The following RNF216 variants were observed in gnomAD, a reference collection of about 807,000 sequenced individuals.
RNF216 encodes the protein ring finger protein 216.
Under a neutral mutation model 110.8 loss-of-function variants are expected in RNF216, and 72 were observed. The observed-to-expected ratio is 0.65, with a 90% CI of 0.54 to 0.79. The LOEUF (loss-of-function observed/expected upper bound fraction) is 0.79, where lower values mean the gene tolerates loss of function less well. Among genes scored for constraint, RNF216 ranks in the 30% least tolerant of loss-of-function variants. The probability of loss-of-function intolerance (pLI) is 0.00; values close to 1 mark genes in which losing one functional copy is unlikely to be tolerated. For missense variants in RNF216, 1,342 were observed against 1,141.2 expected, an observed-to-expected ratio of 1.18 and a Z score of -2.54; for synonymous variants, 495 against 407.5, an observed-to-expected ratio of 1.21 and a Z score of -2.59.
In RNF216 at chr7:5,676,300, A is replaced by G. The variant is rs571228746; in HGVS notation, c.2062-23790T>C. Among the ~76,000 whole-genome samples, 191 of 152,270 alleles carry G rather than the reference A, an allele frequency of 1.3e-3. 1 individual carries two copies. The highest frequency in any genetic ancestry group is 4.4e-3 in the African/African-American group (184 of 41,560). On this transcript the variant is annotated intron_variant, in intron 13 of 16. Transcript: ENST00000389902. ...GTGGGAGGCATTGACCACCGCGGCCAGCCTCAAGTTCTTTCCATGCCAAAG... is the reference window on the plus strand; with the variant it reads ...GTGGGAGGCATTGACCACCGCGGCCGGCCTCAAGTTCTTTCCATGCCAAAG...
chr7:5,629,283 C>T (rs1257355462), intron 15 of RNF216, among the ~76,000 whole-genome samples: 1 of 150,662 alleles, frequency 6.6e-6, no homozygotes, highest in Non-Finnish European at 1.5e-5. Flanking sequence ...TTCAGACCAG[C>T]AAGGGCAACA....
intron 2 of RNF216, among the ~76,000 whole-genome samples, chr7:5,757,089 G>A (rs1398502557): frequency 1.3e-5 from 2 of 152,070 alleles, no homozygotes; most frequent in Non-Finnish European, 2.9e-5. Flanking sequence ...CTCACACTGG[G>A]TGCAGAATCC....
chr7:5,673,417 G>T (rs1790054556), intron 13 of RNF216, among the ~76,000 whole-genome samples: 5 of 152,198 alleles, frequency 3.3e-5, no homozygotes. Context: ...GACTGGCCTG[G>T]TTTGCGAGAA....
rs1584327265 is a variant in RNF216 at position 5,624,739 on chromosome 7, A to T, written c.2383-614T>A. 6.6e-6 allele frequency among the ~76,000 whole-genome samples: 1 copy of T among 152,138 alleles called. No individual in the cohort carries two copies. Among genetic ancestry groups the T allele is most frequent in the Admixed American group, 6.5e-5 (1 of 15,272 alleles). ...TGGTAGGCCTGAAATAACAAACACA[A>T]TTCACACTTGGGTTATCCAAGCCTC... is the stretch of plus-strand genomic sequence containing the variant. On this transcript the variant is annotated intron_variant, in intron 15 of 16. Transcript: ENST00000389902. The surrounding 1 kb of genome is among the most constrained non-coding windows in gnomAD (Gnocchi z 4.4).
At position 5,661,782 on chromosome 7, in the gene RNF216, G is replaced by A. The variant is rs925494575; in HGVS notation, c.2062-9272C>T. ...TGTGCCACTACACTCCAGCCTGGGC[G>A]AGACAATGAGACTCTGCTCAAACAA... On this transcript the variant is annotated intron_variant, in intron 13 of 16. Transcript: ENST00000389902. Among the ~76,000 whole-genome samples, 4 of 152,274 alleles carry A rather than the reference G, an allele frequency of 2.6e-5. No individual in the cohort carries two copies. In the East Asian group the frequency reaches 5.8e-4, roughly 22 times the overall value.
At chr7:5,711,915 C>T (rs751777063) in intron 12 of RNF216, 76 bp from the exon 13 acceptor site, 5 of 1,311,568 alleles carry the variant, frequency 3.8e-6, no homozygotes, top group Non-Finnish European at 5.4e-6. Context: ...TGTGGCTGTT[C>T]ATATGAAGAT....
intron 13 of RNF216, among the ~76,000 whole-genome samples, chr7:5,676,206 T>TGG (rs1277271247): frequency 6.6e-6 from 1 of 151,956 alleles, no homozygotes; most frequent in East Asian, 1.9e-4. Context: ...GAGATAGGGT[T>TGG]TTGCCATGTT....
At chr7:5,630,188 C>T (rs929949525) in intron 15 of RNF216, among the ~76,000 whole-genome samples, 1 of 152,110 alleles carries the variant, frequency 6.6e-6, no homozygotes, top group Admixed American at 6.6e-5. Flanking sequence ...GGTGGTAGAG[C>T]TGCCTGGATG....
intron 13 of RNF216, among the ~76,000 whole-genome samples, chr7:5,703,130 A>G (rs1225989035): frequency 1.3e-5 from 2 of 152,180 alleles, no homozygotes; most frequent in African/African-American, 4.8e-5. Context: ...ACCCTCCTTC[A>G]TATTTGACTC....
Position 5,711,751 on chromosome 7 carries a change from G to A in RNF216, c.2061+10C>T. The A allele has an allele frequency of 6.2e-7, 1 of 1,608,824 alleles. No homozygotes were observed. Among genetic ancestry groups the A allele is most frequent in the Non-Finnish European group, 8.5e-7 (1 of 1,176,852 alleles). ...TCAATATACATCTAGAAAAAAATGT[G>A]CCTCCCTACCTTTCGGCAGTGAGGA... On this transcript the variant is annotated intron_variant, in intron 13 of 16. Coordinates refer to ENST00000389902, the MANE Select transcript of RNF216 (RefSeq NM_207111.4).
At chr7:5,716,581 C>G in intron 10 of RNF216, 135 bp downstream of exon 10, 1 of 627,364 alleles carries the variant, frequency 1.6e-6, no homozygotes. Context: ...CTGACTATAA[C>G]TTGGCTGAAC....
chr7:5,687,484 C>A (rs1476589413), intron 13 of RNF216, among the ~76,000 whole-genome samples: 1 of 151,222 alleles, frequency 6.6e-6, no homozygotes, highest in Non-Finnish European at 1.5e-5. Flanking sequence ...ACCAAAGAGT[C>A]CACTCACATC....
chr7:5,735,877 C>T lies in RNF216; in HGVS notation c.1121+3399G>A, dbSNP rs140402230. Among the ~76,000 whole-genome samples the T allele has an allele frequency of 2.2e-4, 34 of 152,202 alleles. 1 individual carries two copies. The East Asian group carries it at 6.2e-3, about 28-fold the overall frequency. On this transcript the variant is annotated intron_variant, in intron 5 of 16. Transcript: ENST00000389902. ...TGGGAGGCCGAGGCAGATGGATCAC[C>T]TGAGGTCAGGAGTTCAAGACCAGCC...
chr7:5,781,140 G>C (rs149348968), intron 1 of RNF216, among the ~76,000 whole-genome samples: 2 of 152,132 alleles, frequency 1.3e-5, no homozygotes, highest in Non-Finnish European at 2.9e-5. Context: ...GGCACGGCCC[G>C]CCTCCCGCCG....
intron 8 of RNF216, among the ~76,000 whole-genome samples, chr7:5,721,522 A>G (rs566751941): frequency 2.6e-5 from 4 of 152,332 alleles, no homozygotes; most frequent in South Asian, 2.1e-4. Context: ...CGCTGCTTAT[A>G]GCCATTTGTT....
At chr7:5,662,720 A>T (rs1372676919) in intron 13 of RNF216, among the ~76,000 whole-genome samples, 7 of 152,160 alleles carry the variant, frequency 4.6e-5, no homozygotes, top group Non-Finnish European at 8.8e-5. Flanking sequence ...GTCTACTCAC[A>T]AACAGATAAC....
intron 13 of RNF216, among the ~76,000 whole-genome samples, chr7:5,697,814 G>A (rs1212629916): frequency 6.6e-6 from 1 of 152,218 alleles, no homozygotes; most frequent in African/African-American, 2.4e-5. Flanking sequence ...AGGGTGAAAA[G>A]TAGGTTTTTA....
Position 5,733,492 on chromosome 7 carries a change from T to C in RNF216, c.1122-2675A>G, listed in dbSNP as rs569278388. On this transcript the variant is annotated intron_variant, in intron 5 of 16. Coordinates refer to ENST00000389902, the MANE Select transcript of RNF216 (RefSeq NM_207111.4). ...TCATTTGCAGAAGGAGAGAAAAACA[T>C]TGAATATACTCAATTTCTATGAGGT... Among the ~76,000 whole-genome samples, 148 of 152,288 alleles carry C rather than the reference T, an allele frequency of 9.7e-4. 1 individual carries two copies. Among genetic ancestry groups the C allele is most frequent in the African/African-American group, 3.1e-3 (130 of 41,562 alleles).
intron 1 of RNF216, among the ~76,000 whole-genome samples, chr7:5,767,770 TG>T (rs1346787240): frequency 6.6e-6 from 1 of 152,160 alleles, no homozygotes; most frequent in Non-Finnish European, 1.5e-5. Flanking sequence ...AGCTAATTTT[TG>T]TATTTTTAGT....
Sources: allele counts gnomAD v4.1 joint callset (sites outside exome capture counted in the v4.1 genomes callset), GRCh38; gene constraint gnomAD v4.1.1; non-coding constraint Gnocchi (gnomAD v3.1); transcripts MANE v1.5; gene names NCBI Gene and HGNC (gene_info 2026-07-23, HGNC 2026-07-21).